The following DAAM1 variants were observed in gnomAD, a reference collection of about 807,000 sequenced individuals.
The protein encoded by DAAM1 is dishevelled associated activator of morphogenesis 1, also known as disheveled-associated activator of morphogenesis 1.
A neutral mutation model predicts 130.0 loss-of-function variants in DAAM1; 52 were observed. The ratio of observed to expected loss-of-function variants is 0.40; its 90% CI spans 0.32 to 0.50. The LOEUF is 0.50. Ranked by LOEUF, DAAM1 falls within the 20% of genes least tolerant of loss-of-function variation. DAAM1 has a pLI of 0.61. For missense variants in DAAM1, 1,134 were observed against 1,303.8 expected (o/e 0.87, Z 2.01); for synonymous variants, 452 against 444.5 (o/e 1.02, Z -0.21).
chr14:59,348,688 GTGT>G (rs1363148033), intron 17 of DAAM1, among the ~76,000 whole-genome samples: 1 of 152,214 alleles, frequency 6.6e-6, no homozygotes, highest in East Asian at 1.9e-4. Context: ...AGGGTATTTT[GTGT>G]TGTTAACAGT....
chr14:59,216,093 C>T (rs1169006795), intron 1 of DAAM1, among the ~76,000 whole-genome samples: 1 of 152,242 alleles, frequency 6.6e-6, no homozygotes, highest in East Asian at 1.9e-4. Flanking sequence ...GTCCCCAGGG[C>T]CTCCCAGCCC....
rs1555330020 is a variant in DAAM1 at position 59,369,634 on chromosome 14, T to TA, written c.*778dup. 1.3e-5 allele frequency: 2 copies of TA among 148,358 alleles called. No individual in the cohort carries two copies. Among genetic ancestry groups the TA allele is most frequent in the African/African-American group, 4.9e-5 (2 of 40,940 alleles). 9.2% of individuals were successfully genotyped at this position (148,358 alleles called of 1,614,324 possible). The stretch of plus-strand genomic sequence containing the variant: ...ATATAAATGCAATCCATGCTTTTTT[T>TA]AAAGAACAACATTGCCAGAGTATGC... On this transcript the variant is annotated 3_prime_UTR_variant, in exon 25 of 25. Transcript: ENST00000360909.
At chr14:59,273,389 G>A (rs916495438) in intron 2 of DAAM1, among the ~76,000 whole-genome samples, 2 of 152,126 alleles carry the variant, frequency 1.3e-5, no homozygotes, top group Non-Finnish European at 1.5e-5. Flanking sequence ...TGAAATGAGG[G>A]AGCATGAAGA....
At chr14:59,263,351 C>T (rs1882268702) in intron 1 of DAAM1, 90 bp from the exon 2 acceptor site, 1 of 1,139,682 alleles carries the variant, frequency 8.8e-7, no homozygotes, top group South Asian at 1.5e-5. Flanking sequence ...GTCGTCAGCA[C>T]ACGGAGCTCT....
intron 3 of DAAM1, among the ~76,000 whole-genome samples, chr14:59,303,802 A>T (rs910317135): frequency 3.9e-5 from 6 of 152,166 alleles, no homozygotes; most frequent in African/African-American, 1.4e-4. Context: ...CGAGAGGTTG[A>T]GGCACGAGAA....
At chr14:59,322,387 T>C (rs1270364291) in intron 5 of DAAM1, among the ~76,000 whole-genome samples, 2 of 151,520 alleles carry the variant, frequency 1.3e-5, no homozygotes, top group African/African-American at 2.4e-5. Flanking sequence ...CTGGGAATGG[T>C]GGCACGCACC....
chr14:59,361,281 T>C, intron 22 of DAAM1, among the ~76,000 whole-genome samples: 1 of 152,266 alleles, frequency 6.6e-6, no homozygotes, highest in Non-Finnish European at 1.5e-5. Flanking sequence ...TTGGGGAGTA[T>C]TTACTAAGCA....
At chr14:59,353,574 C>T (rs575492475) in intron 18 of DAAM1, among the ~76,000 whole-genome samples, 11 of 152,260 alleles carry the variant, frequency 7.2e-5, no homozygotes, top group Admixed American at 3.9e-4. Flanking sequence ...AGGAGAGATG[C>T]GCTTCAGTCA....
At chr14:59,204,959 T>TC (rs1270141526) in intron 1 of DAAM1, among the ~76,000 whole-genome samples, 2 of 152,308 alleles carry the variant, frequency 1.3e-5, no homozygotes, top group South Asian at 2.1e-4. Flanking sequence ...CCTAAAATGA[T>TC]CCCCCCATCA....
At chr14:59,249,421 C>T (rs1028251583) in intron 1 of DAAM1, among the ~76,000 whole-genome samples, 4 of 152,168 alleles carry the variant, frequency 2.6e-5, no homozygotes, top group Admixed American at 2.6e-4. Context: ...ACAGATACCA[C>T]GAAACTGCTA....
chr14:59,242,261 C>T (rs976679635), intron 1 of DAAM1, among the ~76,000 whole-genome samples: 8 of 152,118 alleles, frequency 5.3e-5, no homozygotes, highest in African/African-American at 1.9e-4. Flanking sequence ...TGATAGATCT[C>T]AAATATAATC....
intron 2 of DAAM1, among the ~76,000 whole-genome samples, chr14:59,280,070 T>TA (rs1883141095): frequency 6.6e-6 from 1 of 152,088 alleles, no homozygotes; most frequent in African/African-American, 2.4e-5. Flanking sequence ...AGCTAAAATT[T>TA]AAAAAAACAG....
intron 1 of DAAM1, among the ~76,000 whole-genome samples, chr14:59,207,555 TGTGAATGATGACTTCATC>T (rs1454029921): frequency 6.6e-6 from 1 of 152,246 alleles, no homozygotes; most frequent in Non-Finnish European, 1.5e-5. Context: ...TTTCATGTTA[TGTGAATGATGACTTCATC>T]GTGGGTATTA....
rs567949301 is a variant in DAAM1 at position 59,256,749 on chromosome 14, A to G, written c.-37-6692A>G. Among the ~76,000 whole-genome samples the G allele has an allele frequency of 2.2e-3, 334 of 152,268 alleles. 1 individual carries two copies. The highest frequency in any genetic ancestry group is 7.5e-3 in the African/African-American group (313 of 41,552). The stretch of plus-strand genomic sequence containing the variant: ...TGCATTCCTTCTTCATCGGACAGGA[A>G]AAGGACCAACTCCCCTCCCTGCTGT... On this transcript the variant is annotated intron_variant, in intron 1 of 24. Transcript: ENST00000360909.
At chr14:59,323,807 C>T (rs1028361987) in intron 6 of DAAM1, among the ~76,000 whole-genome samples, 1 of 151,836 alleles carries the variant, frequency 6.6e-6, no homozygotes, top group Non-Finnish European at 1.5e-5. Context: ...CTGAGGCAGG[C>T]GGATCGCAAG....
Position 59,190,011 on chromosome 14 carries a change from C to T in DAAM1, c.-38+1243C>T, listed in dbSNP as rs113069149. On this transcript the variant is annotated intron_variant, in intron 1 of 24. Coordinates refer to ENST00000360909, the MANE Select transcript of DAAM1 (RefSeq NM_001270520.2). ...GACCCAGTGAATCGAAGCGGAGTTG[C>T]CTGCAAGATGAATCCCGTTGCCATG... Among the ~76,000 whole-genome samples, 11 of 152,216 alleles carry T rather than the reference C, an allele frequency of 7.2e-5. 1 individual carries two copies. Among genetic ancestry groups the T allele is most frequent in the African/African-American group, 2.2e-4 (9 of 41,522 alleles).
rs549644238 is a variant in DAAM1, at chr14:59,363,572, C to T, written c.2695-79C>T. ...CCATTCTGATTTATTAAATTTAAGG[C>T]ATGTGAAATATGAGACGAGGTGTGT... On this transcript the variant is annotated intron_variant, in intron 22 of 24. Transcript: ENST00000360909. The T allele has an allele frequency of 8.3e-6, 13 of 1,569,738 alleles. No homozygotes were observed. In the East Asian group the frequency reaches 1.1e-4, roughly 14 times the overall value.
Position 59,355,118 on chromosome 14 carries a change from A to G in DAAM1, c.2357-47A>G, listed in dbSNP as rs371233787. The G allele has an allele frequency of 1.2e-3, 1,892 of 1,583,900 alleles. 3 individuals carry two copies. Among genetic ancestry groups the G allele is most frequent in the Non-Finnish European group, 1.5e-3 (1,773 of 1,164,214 alleles). ...TATCACTGAAACATCTTGATTTCAA[A>G]CAACGAAACACTTGGTAATCATGTT... On this transcript the variant is annotated intron_variant, in intron 19 of 24. Coordinates refer to ENST00000360909, the MANE Select transcript of DAAM1 (RefSeq NM_001270520.2).
At chr14:59,272,630 C>T (rs10583210) in intron 2 of DAAM1, among the ~76,000 whole-genome samples, 5 of 131,528 alleles carry the variant, frequency 3.8e-5, no homozygotes, top group South Asian at 2.5e-4. Context: ...CACACACACA[C>T]ATACACACAT....
Sources: gnomAD v4.1 joint callset for allele counts (sites outside exome capture counted in the v4.1 genomes callset) on GRCh38, gnomAD v4.1.1 for gene constraint, MANE v1.5 for transcripts, NCBI Gene and HGNC (gene_info 2026-07-23, HGNC 2026-07-21) for gene names.